THADA: variants seen among roughly 807,000 people sequenced by gnomAD.
THADA encodes tRNA (32-2'-O)-methyltransferase regulator THADA.
In THADA, 213 loss-of-function variants were observed where a neutral mutation model predicts 219.8. The ratio of observed to expected loss-of-function variants is 0.97; its 90% confidence interval spans 0.87 to 1.09. The LOEUF is 1.09. Among genes scored for constraint, THADA ranks in the 50% least tolerant of loss-of-function variants. The pLI is 0.00. For synonymous variants in THADA, 1,018 were observed against 828.9 expected (o/e 1.23, Z -3.92); for missense variants, 2,956 against 2,311.3 (o/e 1.28, Z -5.72).
At chr2:43,416,926 T>C (rs1276551175) in intron 28 of THADA, among the ~76,000 whole-genome samples, 2 of 152,196 alleles carry the variant, frequency 1.3e-5, no homozygotes, top group Non-Finnish European at 2.9e-5. Context: ...ATGTAAACGC[T>C]TCACAGATTT....
chr2:43,547,241 G>A (rs141311393), intron 20 of THADA, among the ~76,000 whole-genome samples: 51,439 of 152,030 alleles, frequency 0.34, 8,990 homozygotes, highest in South Asian at 0.42. Context: ...CGAGAGATCC[G>A]CTGTTAGTCG....
intron 30 of THADA, among the ~76,000 whole-genome samples, chr2:43,339,077 A>G (rs1332766507): frequency 6.6e-6 from 1 of 152,218 alleles, no homozygotes; most frequent in East Asian, 1.9e-4. Flanking sequence ...AAAAAGATGA[A>G]GGAATTACAT....
chr2:43,347,236 G>T (rs1051140652), intron 29 of THADA, among the ~76,000 whole-genome samples: 24 of 152,112 alleles, frequency 1.6e-4, no homozygotes, highest in African/African-American at 5.3e-4. Context: ...ATGGTAAATG[G>T]CGTATAATAA....
At chr2:43,549,490 G>T in intron 19 of THADA, 122 bp from the exon 20 acceptor site, 2 of 946,608 alleles carry the variant, frequency 2.1e-6, no homozygotes, top group Non-Finnish European at 3.1e-6. Flanking sequence ...TTATTAGAAG[G>T]GACTCACAAG....
Position 43,391,489 on chromosome 2 carries a change from A to T in THADA, c.4227+6482T>A, listed in dbSNP as rs1459198292. Among the ~76,000 whole-genome samples the T allele has an allele frequency of 3.9e-5, 6 of 152,218 alleles. No individual in the cohort carries two copies. In the East Asian group the frequency reaches 1.2e-3, roughly 29 times the overall value. On this transcript the variant is annotated intron_variant, in intron 29 of 37. Coordinates refer to ENST00000405975, the MANE Select transcript of THADA (RefSeq NM_022065.5). ...GCTTTTGGATGTTTATAAGGAAGGG[A>T]TTAATTCATCTTCAAAAGTAGCATT...
rs574388303 is a variant in THADA at position 43,407,808 on chromosome 2, TATA to T, written c.4059-9672_4059-9670del. Among the ~76,000 whole-genome samples the T allele has an allele frequency of 8.4e-4, 127 of 152,048 alleles. 1 individual carries two copies. The highest frequency in any genetic ancestry group is 2.0e-3 in the Admixed American group (31 of 15,260). ...TAGATAAACCCTTTAAAATAAAGTA[TATA>T]ATATTATATAAATATATGTGGGTTT... is the stretch of plus-strand genomic sequence containing the variant. On this transcript the variant is annotated intron_variant, in intron 28 of 37. Transcript: ENST00000405975.
Position 43,572,940 on chromosome 2 carries a change from C to T in THADA, c.1782G>A (p.Leu594=), listed in dbSNP as rs141966467. 1.9e-6 allele frequency: 3 copies of T among 1,613,950 alleles called. No homozygotes were observed. Among genetic ancestry groups the T allele is most frequent in the East Asian group, 2.2e-5 (1 of 44,868 alleles). Reference sequence around the variant, plus strand: ...TTCGCAGACATGCCATCAAAGCTCCCAGAGCCCCCCTGCTATTACAAGACC... The same window carrying T: ...TTCGCAGACATGCCATCAAAGCTCCTAGAGCCCCCCTGCTATTACAAGACC... ...SLGSCNSRGA[L]GALMACLRIA... The change falls in exon 12 of 38, where the codon CTG becomes CTA. Residue 594 remains leucine (L), a synonymous_variant. Transcript: ENST00000405975.
At chr2:43,540,287 A>G (rs1188900942) in intron 21 of THADA, among the ~76,000 whole-genome samples, 1 of 152,222 alleles carries the variant, frequency 6.6e-6, no homozygotes, top group Admixed American at 6.5e-5. Flanking sequence ...CTTCATCTCA[A>G]GGCCTTGCAA....
At position 43,292,094 on chromosome 2, in the gene THADA, G is replaced by C; in HGVS notation, c.4937+10C>G. 1 of 1,574,108 alleles carries C rather than the reference G, an allele frequency of 6.4e-7. No homozygotes were observed. The highest frequency in any genetic ancestry group is 8.7e-7 in the Non-Finnish European group (1 of 1,155,028). On this transcript the variant is annotated intron_variant, in intron 33 of 37. Transcript: ENST00000405975. ...TTACCAAGGTTGCACAGGAGGTTTT[G>C]GGGGCAAACCTTTCATTGGAAGCAA...
chr2:43,550,190 A>G (rs1414857194), intron 19 of THADA, among the ~76,000 whole-genome samples: 1 of 152,238 alleles, frequency 6.6e-6, no homozygotes, highest in East Asian at 1.9e-4. Flanking sequence ...GTAAGGAGTT[A>G]GCCAGGCTCA....
intron 36 of THADA, among the ~76,000 whole-genome samples, chr2:43,241,555 G>GT (rs1409670840): frequency 6.7e-6 from 1 of 148,480 alleles, no homozygotes; most frequent in African/African-American, 2.5e-5. Context: ...CTGGACAGGG[G>GT]TGCAAAGGGA....
intron 25 of THADA, among the ~76,000 whole-genome samples, chr2:43,485,786 T>G (rs1573890272): frequency 6.6e-6 from 1 of 152,036 alleles, no homozygotes; most frequent in South Asian, 2.1e-4. Context: ...TCCCAGCTAC[T>G]TGGGAGGCTA....
intron 26 of THADA, among the ~76,000 whole-genome samples, chr2:43,474,682 G>T (rs180840434): frequency 6.6e-6 from 1 of 152,228 alleles, no homozygotes; most frequent in African/African-American, 2.4e-5. Context: ...TGAATTGAAG[G>T]AGGGAAGTAT....
chr2:43,334,625 A>G (rs1666178322), intron 30 of THADA, among the ~76,000 whole-genome samples: 1 of 152,114 alleles, frequency 6.6e-6, no homozygotes, highest in South Asian at 2.1e-4. Flanking sequence ...GTCCCAAAAA[A>G]TTAGCCAGGC....
In THADA at chr2:43,475,435, A is replaced by C. The variant is rs1262197072; in HGVS notation, c.3836+9799T>G. Among the ~76,000 whole-genome samples, 8 of 151,790 alleles carry C rather than the reference A, an allele frequency of 5.3e-5. No homozygotes were observed. The South Asian group carries it at 8.3e-4, about 16-fold the overall frequency. ...TAGGCCCTGTCTTAAAAAAAAAAAA[A>C]AAAAAAAAAAACCTAGAAAGACTAT... On this transcript the variant is annotated intron_variant, in intron 26 of 37. Coordinates refer to ENST00000405975, the MANE Select transcript of THADA (RefSeq NM_022065.5).
intron 19 of THADA, among the ~76,000 whole-genome samples, 155 bp from the exon 20 acceptor site, chr2:43,549,523 A>G (rs1696500772): frequency 6.6e-6 from 1 of 152,222 alleles, no homozygotes; most frequent in African/African-American, 2.4e-5. Flanking sequence ...AAAATTATTT[A>G]TACAGTTTTC....
At chr2:43,377,113 G>GA (rs1671468138) in intron 29 of THADA, among the ~76,000 whole-genome samples, 1 of 152,234 alleles carries the variant, frequency 6.6e-6, no homozygotes. Flanking sequence ...GAAGGCGGCT[G>GA]TGGGGAGTTG....
intron 30 of THADA, among the ~76,000 whole-genome samples, chr2:43,329,057 G>A (rs1475979217): frequency 6.6e-6 from 1 of 152,184 alleles, no homozygotes. Context: ...AAAGCCTGGG[G>A]AAACTGTTTT....
intron 31 of THADA, among the ~76,000 whole-genome samples, chr2:43,294,408 C>A (rs139445201): frequency 4.9e-4 from 75 of 152,248 alleles, no homozygotes; most frequent in African/African-American, 1.8e-3. Flanking sequence ...CCACCAAAGG[C>A]AGGGGAACCA....
Sources: allele counts gnomAD v4.1 joint callset (sites outside exome capture counted in the v4.1 genomes callset), GRCh38; gene constraint gnomAD v4.1.1; transcripts MANE v1.5; gene names NCBI Gene and HGNC (gene_info 2026-07-23, HGNC 2026-07-21).